Variants in GPR35 observed in about 807,000 individuals in gnomAD.
GPR35 encodes KYNA receptor.
For missense variants in GPR35, 372 were observed against 422.5 expected, an observed-to-expected ratio of 0.88 and a Z score of 1.05; for synonymous variants, 207 against 198.4, an observed-to-expected ratio of 1.04 and a Z score of -0.36.
chr2:240,609,668 C>T (rs10192068), intron 2 of GPR35, among the ~76,000 whole-genome samples: 91,154 of 151,726 alleles, frequency 0.6, 27,376 homozygotes, highest in East Asian at 0.64. Context: ...CAATGTGCAC[C>T]TGAAAAGATT....
At position 240,632,370 on chromosome 2, in the gene GPR35, C is replaced by T. The variant is rs2043459607; in HGVS notation, c.*1488C>T. 6.6e-6 allele frequency among the ~76,000 whole-genome samples: 1 copy of T among 151,736 alleles called. No individual in the cohort carries two copies. Among genetic ancestry groups the T allele is most frequent in the South Asian group, 2.1e-4 (1 of 4,806 alleles). On this transcript the variant is annotated 3_prime_UTR_variant, in exon 2 of 2. Coordinates refer to ENST00000407714, the MANE Select transcript of GPR35 (RefSeq NM_005301.5). ...GTCCCTGTCCAGGAGGCTCCATGCCCAGGAGGCTCCATGTCAAGAAAGATT... is the reference window on the plus strand; with the variant it reads ...GTCCCTGTCCAGGAGGCTCCATGCCTAGGAGGCTCCATGTCAAGAAAGATT...
In GPR35 at chr2:240,630,939, G is replaced by A. The variant is rs2043440849; in HGVS notation, c.*57G>A. 7 of 1,436,202 alleles carry A rather than the reference G, an allele frequency of 4.9e-6. No homozygotes were observed. The Admixed American group carries it at 1.1e-4, about 23-fold the overall frequency. The allele number at this position is 1,436,202 out of a possible 1,614,324, so 89.0% of individuals were successfully genotyped here. A position where few individuals can be genotyped will look rare whatever the true frequency, so the allele number is the denominator to read the frequency against. ...TCGGGGGCTCCGGGAGGTGCTGCCT[G>A]CCAGGGGAAGCTGGAACCAGTAGCA... On this transcript the variant is annotated 3_prime_UTR_variant, in exon 2 of 2. Coordinates refer to ENST00000407714, the MANE Select transcript of GPR35 (RefSeq NM_005301.5).
At chr2:240,606,090 C>G (rs528099849) in intron 1 of GPR35, among the ~76,000 whole-genome samples, 2 of 152,298 alleles carry the variant, frequency 1.3e-5, no homozygotes, top group South Asian at 4.1e-4. Context: ...CCATTCCTCT[C>G]TAGTCCCCAG....
chr2:240,608,445 T>C (rs1427162004), intron 2 of GPR35, among the ~76,000 whole-genome samples: 3 of 152,228 alleles, frequency 2.0e-5, no homozygotes, highest in Non-Finnish European at 4.4e-5. Context: ...TTCTCTTCTC[T>C]TTCTAGTTTG....
intron 5 of GPR35, among the ~76,000 whole-genome samples, chr2:240,619,700 C>T (rs2125480846): frequency 6.6e-6 from 1 of 152,354 alleles, no homozygotes; most frequent in South Asian, 2.1e-4. Context: ...GCACACGACA[C>T]ACACTCCGCT....
chr2:240,619,992 C>T (rs1269092971), intron 5 of GPR35, among the ~76,000 whole-genome samples: 1 of 152,166 alleles, frequency 6.6e-6, no homozygotes, highest in African/African-American at 2.4e-5. Flanking sequence ...GTTGAAGGGC[C>T]AAGGAGCAGG....
At chr2:240,629,636 G>A in intron 1 of GPR35, 1 of 294,502 alleles carries the variant, frequency 3.4e-6, no homozygotes, top group Non-Finnish European at 6.4e-6. Context: ...CTGGAGGGTA[G>A]GGCTTGCTGG....
chr2:240,625,387 C>A (rs139693890), upstream of GPR35: 1,499 of 985,538 alleles, frequency 1.5e-3, no homozygotes, highest in Admixed American at 3.6e-3. Flanking sequence ...CCTGTTACCC[C>A]TGACCTGCTG....
At chr2:240,625,924 C>T in intron 1 of GPR35, among the ~76,000 whole-genome samples, 1 of 132,940 alleles carries the variant, frequency 7.5e-6, no homozygotes, top group Non-Finnish European at 1.6e-5. Flanking sequence ...GATGGGGTCT[C>T]AGAGTGGGGT....
At chr2:240,625,060 CT>C (rs1452948827), upstream of GPR35, among the ~76,000 whole-genome samples, 1 of 152,128 alleles carries the variant, frequency 6.6e-6, no homozygotes, top group Non-Finnish European at 1.5e-5. Flanking sequence ...AGTGTGCGTG[CT>C]GCACCCTGTC....
intron 2 of GPR35, among the ~76,000 whole-genome samples, chr2:240,615,798 A>G (rs981938760): frequency 3.3e-5 from 5 of 152,226 alleles, no homozygotes; most frequent in East Asian, 3.8e-4. Context: ...TACTTCTACA[A>G]TTTTTTAGAG....
At chr2:240,621,918 G>A (rs903585475), upstream of GPR35, among the ~76,000 whole-genome samples, 2 of 152,208 alleles carry the variant, frequency 1.3e-5, no homozygotes, top group Admixed American at 6.5e-5. Flanking sequence ...TTGCAACCAG[G>A]CTGGAGTGCA....
chr2:240,626,683 G>A (rs936917660), intron 1 of GPR35, among the ~76,000 whole-genome samples: 7 of 152,178 alleles, frequency 4.6e-5, no homozygotes, highest in African/African-American at 1.4e-4. Context: ...CCTGGGGTGT[G>A]GTGTGCTGTG....
At position 240,629,773 on chromosome 2, in the gene GPR35, G is replaced by T. The variant is rs1454010046; in HGVS notation, c.-4-176G>T. 31 of 595,718 alleles carry T rather than the reference G, an allele frequency of 5.2e-5. No individual in the cohort carries two copies. The East Asian group carries it at 8.0e-4, about 15-fold the overall frequency. 36.9% of individuals were successfully genotyped at this position (595,718 alleles called of 1,614,324 possible). A position where few individuals can be genotyped will look rare whatever the true frequency, so the allele number is the denominator to read the frequency against. On this transcript the variant is annotated intron_variant, in intron 1 of 1. Coordinates refer to ENST00000407714, the MANE Select transcript of GPR35 (RefSeq NM_005301.5). ...ATCTGTCCAGGGGTTAGACCTCAAG[G>T]GTGACTTGGAGTTCTTTACGGCACC...
intron 2 of GPR35, among the ~76,000 whole-genome samples, chr2:240,612,622 G>A (rs1055391233): frequency 3.9e-5 from 6 of 152,240 alleles, no homozygotes; most frequent in East Asian, 1.9e-4. Flanking sequence ...GGTGGACCCC[G>A]AGGGGGTGTG....
At chr2:240,627,904 G>C (rs1287448388) in intron 1 of GPR35, 1 of 152,164 alleles carries the variant, frequency 6.6e-6, no homozygotes, top group Non-Finnish European at 1.5e-5. Flanking sequence ...GGGGCAATGG[G>C]AAGGGGTCTA....
At chr2:240,613,786 C>T (rs1198070892) in intron 2 of GPR35, among the ~76,000 whole-genome samples, 1 of 150,168 alleles carries the variant, frequency 6.7e-6, no homozygotes, top group Admixed American at 6.6e-5. Context: ...CTAACCCTAA[C>T]CCTAACTCAA....
chr2:240,616,978 A>C (rs753593237), intron 3 of GPR35: 1 of 772,348 alleles, frequency 1.3e-6, no homozygotes, highest in Non-Finnish European at 2.4e-6. Flanking sequence ...ACCAACAGCC[A>C]CCTGGGGGAG....
At chr2:240,627,614 A>T (rs1353791923) in intron 1 of GPR35, 1 of 136,326 alleles carries the variant, frequency 7.3e-6, no homozygotes, top group Non-Finnish European at 1.6e-5. Context: ...TCACCAGCCC[A>T]GCTAATTTTC....
Sources: allele counts gnomAD v4.1 joint callset (sites outside exome capture counted in the v4.1 genomes callset), GRCh38; gene constraint gnomAD v4.1.1; transcripts MANE v1.5; gene names NCBI Gene and HGNC (gene_info 2026-07-23, HGNC 2026-07-21).